Variants in DYRK1B observed in about 807,000 individuals in gnomAD.
The protein encoded by DYRK1B is dual specificity tyrosine phosphorylation regulated kinase 1B.
A neutral mutation model predicts 57.1 loss-of-function variants in DYRK1B; 20 were observed. The observed-to-expected ratio is 0.35, with a 90% CI of 0.25 to 0.51. The LOEUF (loss-of-function observed/expected upper bound fraction) is 0.51. Ranked by LOEUF, DYRK1B falls within the 20% of genes least tolerant of loss-of-function variation. DYRK1B has a pLI of 0.96. For missense variants in DYRK1B, 732 were observed against 886.3 expected, an observed-to-expected ratio of 0.83 and a Z score of 2.21; for synonymous variants, 409 against 384.7, an observed-to-expected ratio of 1.06 and a Z score of -0.74.
Position 39,830,400 on chromosome 19 carries a change from A to C in DYRK1B, c.347T>G (p.Leu116Arg). The C allele has an allele frequency of 6.2e-7, 1 of 1,614,090 alleles. No individual in the cohort carries two copies. Among genetic ancestry groups the C allele is most frequent in the South Asian group, 1.1e-5 (1 of 91,082 alleles). ...RWLERYEIDS[L>R]IGKGSFGQVV... ...CTGGCCAAAGGAGCCTTTGCCAATG[A>C]GCGAGTCAATTTCGTAGCGCTCCAG... The change falls in exon 4 of 11, where the codon CTC (leucine) becomes CGC (arginine). Residue 116 changes from leucine (L) to arginine (R), a missense_variant. Transcript: ENST00000323039.
In DYRK1B at chr19:39,830,309, G is replaced by C. The variant is rs755118050; in HGVS notation, c.372+66C>G. 2.5e-6 allele frequency: 4 copies of C among 1,598,540 alleles called. No homozygotes were observed. In the East Asian group the frequency reaches 8.9e-5, roughly 36 times the overall value. ...GCCCAGCATGGGACTTGAAGCCACTGAACCACTGGGTGTGTGATCAATGTT... is the reference window on the plus strand; with the variant it reads ...GCCCAGCATGGGACTTGAAGCCACTCAACCACTGGGTGTGTGATCAATGTT... On this transcript the variant is annotated intron_variant, in intron 4 of 10. Transcript: ENST00000323039.
rs1968781727 is a variant in DYRK1B at position 39,830,890 on chromosome 19, G to T, written c.64-107C>A. 4 of 1,334,338 alleles carry T rather than the reference G, an allele frequency of 3.0e-6. No homozygotes were observed. The South Asian group carries it at 4.4e-5, about 15-fold the overall frequency. 82.7% of individuals were successfully genotyped at this position (1,334,338 alleles called of 1,614,324 possible). A position where few individuals can be genotyped will look rare whatever the true frequency, so the allele number is the denominator to read the frequency against. ...CACATCATGTATTTGGTTGCTGTCT[G>T]TATTTGTTCCACCTGTCTAGGAAAG... On this transcript the variant is annotated intron_variant, in intron 2 of 10. Coordinates refer to ENST00000323039, the MANE Select transcript of DYRK1B (RefSeq NM_004714.3).
In DYRK1B at chr19:39,826,736, G is replaced by A. The variant is rs746080491; in HGVS notation, c.1347C>T (p.Ser449=). The A allele has an allele frequency of 1.3e-6, 2 of 1,598,874 alleles. No homozygotes were observed. Among genetic ancestry groups the A allele is most frequent in the South Asian group, 1.1e-5 (1 of 88,440 alleles). The change falls in exon 9 of 11, where the codon TCC becomes TCT. Residue 449 remains serine, a synonymous_variant. Coordinates refer to ENST00000323039, the MANE Select transcript of DYRK1B (RefSeq NM_004714.3). The surrounding 1 kb of genome is among the most constrained non-coding windows in gnomAD (Gnocchi z 6.3). ...TNTGPAGSSA[S]TSPAPLDTCP... is the part of the protein sequence containing the mutation. ...AGGTGTCGAGGGGCGCGGGCGAGGT[G>A]GAGGCACTGCTGCCTGCCGGGCCCG...
chr19:39,829,025 G>A (rs1968680473), intron 5 of DYRK1B, among the ~76,000 whole-genome samples: 1 of 152,202 alleles, frequency 6.6e-6, no homozygotes, highest in African/African-American at 2.4e-5. Flanking sequence ...ATCAGTTTAA[G>A]GGAGGAGAAA....
rs1968835527 is a variant in DYRK1B at position 39,831,921 on chromosome 19, G to A, written c.-54C>T. On this transcript the variant is annotated 5_prime_UTR_variant, in exon 2 of 11. Transcript: ENST00000323039. ...AGGCCTGGAGCGGGAGCCCGGCCGG[G>A]GGGCGCCTTCTTGCATCCTGCACCT... 2.1e-6 allele frequency: 3 copies of A among 1,438,762 alleles called. No homozygotes were observed. The highest frequency in any genetic ancestry group is 2.7e-6 in the Non-Finnish European group (3 of 1,094,548). The allele number at this position is 1,438,762 out of a possible 1,614,324, so 89.1% of individuals were successfully genotyped here.
Position 39,828,458 on chromosome 19 carries a change from T to G in DYRK1B, c.646A>C (p.Lys216Gln). ...FRGVSLNLTRKLAQQLCTALL... is the reference protein window; with the variant it reads ...FRGVSLNLTRQLAQQLCTALL... ...GCCGTGCAGAGCTGCTGCGCCAGCT[T>G]CCGGGTCAGGTTCAGCGAGACGCCG... The change falls in exon 6 of 11, where the codon AAG becomes CAG. Residue 216 changes from lysine to glutamine, a missense_variant. By Grantham distance (53) the Lys-to-Gln change is moderately conservative. Around this residue, in one of 2 missense-constraint regions of DYRK1B, gnomAD observed 510 missense variants for 681.3 expected, o/e 0.75. Transcript: ENST00000323039. This position sits in a 1 kb window ranked among gnomAD's most constrained non-coding sequence, Gnocchi z 4.3. 1 of 1,613,908 alleles carries G rather than the reference T, an allele frequency of 6.2e-7. No individual in the cohort carries two copies.
At chr19:39,829,014 A>C (rs560297738) in intron 5 of DYRK1B, among the ~76,000 whole-genome samples, 2 of 152,326 alleles carry the variant, frequency 1.3e-5, no homozygotes, top group East Asian at 1.9e-4. Flanking sequence ...CATGAGCAGG[A>C]ATCAGTTTAA....
In DYRK1B at chr19:39,834,129, C is replaced by A. The variant is rs1968966465; in HGVS notation, c.-208G>T. 1 of 206,766 alleles carries A rather than the reference C, an allele frequency of 4.8e-6. No individual in the cohort carries two copies. Among genetic ancestry groups the A allele is most frequent in the Non-Finnish European group, 1.0e-5 (1 of 99,406 alleles). The allele number at this position is 206,766 out of a possible 1,614,324, so 12.8% of individuals were successfully genotyped here. A position where few individuals can be genotyped will look rare whatever the true frequency, so the allele number is the denominator to read the frequency against. ...CGCGGCAAGCCAGGGCCCCGATTAC[C>A]CAGTAATGCAACCAGCAAAATGGCG... is the stretch of plus-strand genomic sequence containing the variant. On this transcript the variant is annotated 5_prime_UTR_variant, in exon 1 of 11. Coordinates refer to ENST00000323039, the MANE Select transcript of DYRK1B (RefSeq NM_004714.3).
intron 5 of DYRK1B, among the ~76,000 whole-genome samples, chr19:39,829,527 C>T (rs1466140167): frequency 2.6e-5 from 4 of 152,034 alleles, no homozygotes; most frequent in Non-Finnish European, 5.9e-5. Flanking sequence ...GTGCCCAGCC[C>T]GTTTTGTTTG....
At position 39,825,471 on chromosome 19, in the gene DYRK1B, T is replaced by C. The variant is rs1204865261; in HGVS notation, c.*244A>G. On this transcript the variant is annotated 3_prime_UTR_variant, in exon 11 of 11. Transcript: ENST00000323039. ...GGTCTTCCCTCCACCGGACCACCACTGTCTTTGGTACAATAAATAGAAAAA... is the reference window on the plus strand; with the variant it reads ...GGTCTTCCCTCCACCGGACCACCACCGTCTTTGGTACAATAAATAGAAAAA... The C allele has an allele frequency of 1.9e-6, 1 of 525,270 alleles. No individual in the cohort carries two copies. The highest frequency in any genetic ancestry group is 3.4e-6 in the Non-Finnish European group (1 of 296,526). 32.5% of individuals were successfully genotyped at this position (525,270 alleles called of 1,614,324 possible).
rs1409417194 is a variant in DYRK1B at position 39,826,157 on chromosome 19, C to T, written c.1518+23G>A. 6.3e-7 allele frequency: 1 copy of T among 1,595,380 alleles called. No individual in the cohort carries two copies. The highest frequency in any genetic ancestry group is 1.4e-5 in the African/African-American group (1 of 73,700). On this transcript the variant is annotated intron_variant, in intron 10 of 10. Transcript: ENST00000323039. The surrounding 1 kb of genome is among the most constrained non-coding windows in gnomAD (Gnocchi z 6.3). ...AGCCCCAGGCACCACCACCCACCTC[C>T]AAAGCCCCCAAAGCCCCATTACCTG...
chr19:39,830,332 G>A (rs1285371220), intron 4 of DYRK1B, 43 bp downstream of exon 4: 1 of 1,612,096 alleles, frequency 6.2e-7, no homozygotes, highest in Non-Finnish European at 8.5e-7. Flanking sequence ...TGTGATCAAT[G>A]TTAGTGGGGC....
rs1232981469 is a variant in DYRK1B at position 39,827,495 on chromosome 19, T to C, written c.954+15A>G. On this transcript the variant is annotated intron_variant, in intron 7 of 10. Transcript: ENST00000323039. ...ACCCCCTCCACCTCCAGCACACCCCTTCCTGGGGGCACACCTCATTGGAGC... is the reference window on the plus strand; with the variant it reads ...ACCCCCTCCACCTCCAGCACACCCCCTCCTGGGGGCACACCTCATTGGAGC... The C allele has an allele frequency of 3.1e-6, 5 of 1,612,114 alleles. No homozygotes were observed. The highest frequency in any genetic ancestry group is 4.2e-6 in the Non-Finnish European group (5 of 1,178,460).
At chr19:39,831,609 T>C (rs1341261318) in intron 2 of DYRK1B, among the ~76,000 whole-genome samples, 196 bp downstream of exon 2, 1 of 152,216 alleles carries the variant, frequency 6.6e-6, no homozygotes, top group African/African-American at 2.4e-5. Context: ...ATTTAACCAC[T>C]GGGTCAGGAT....
intron 2 of DYRK1B, among the ~76,000 whole-genome samples, chr19:39,831,159 C>G (rs1968791738): frequency 6.6e-6 from 1 of 152,146 alleles, no homozygotes; most frequent in East Asian, 1.9e-4. Flanking sequence ...TGAAGTACCT[C>G]TATCTCAATT....
At position 39,826,918 on chromosome 19, in the gene DYRK1B, GGCCCCCGGGCCCGCCCGTCT is replaced by G; in HGVS notation, c.1145_1164del (p.Gln382ProfsTer27). 7.2e-7 allele frequency: 1 copy of G among 1,381,444 alleles called. No homozygotes were observed. Among genetic ancestry groups the G allele is most frequent in the Non-Finnish European group, 9.3e-7 (1 of 1,075,244 alleles). 85.6% of individuals were successfully genotyped at this position (1,381,444 alleles called of 1,614,324 possible). A position where few individuals can be genotyped will look rare whatever the true frequency, so the allele number is the denominator to read the frequency against. On this transcript the variant is annotated frameshift_variant, in exon 9 of 11. Transcript: ENST00000323039. LOFTEE classifies it high-confidence loss of function. The surrounding 1 kb of genome is among the most constrained non-coding windows in gnomAD (Gnocchi z 6.3). ...CTGTGGCCCGGCTCCCCCGCCCGCC[GGCCCCCGGGCCCGCCCGTCT>G]GCACGCCCAGCACCTCCTGCAGCCG...
intron 1 of DYRK1B, 77 bp from the exon 2 acceptor site, chr19:39,832,045 C>T: frequency 7.4e-7 from 1 of 1,345,866 alleles, no homozygotes; most frequent in Non-Finnish European, 9.6e-7. Flanking sequence ...GAAGAGTGGA[C>T]ATGAGAAAGA....
rs749102527 is a variant in DYRK1B at position 39,830,510 on chromosome 19, C to T, written c.237G>A (p.Ser79=). 6.8e-6 allele frequency: 11 copies of T among 1,614,164 alleles called. No individual in the cohort carries two copies. Among genetic ancestry groups the T allele is most frequent in the South Asian group, 3.3e-5 (3 of 91,080 alleles). ...GGACCTTCTTCTCCTTCTTGTTGCT[C>T]GAATCCTGGGGTGGCGCCTGCTGGG... is the stretch of plus-strand genomic sequence containing the variant. ...RRAQQAPPQD[S]SNKKEKKVLN... The change falls in exon 4 of 11, where the codon TCG becomes TCA. Residue 79 remains serine (S), a synonymous_variant. Coordinates refer to ENST00000323039, the MANE Select transcript of DYRK1B (RefSeq NM_004714.3).
At chr19:39,830,850 T>C in intron 2 of DYRK1B, 67 bp from the exon 3 acceptor site, 2 of 1,525,788 alleles carry the variant, frequency 1.3e-6, no homozygotes, top group Middle Eastern at 2.2e-4. Context: ...GAGGAAGAAC[T>C]GTAAGGGCTG....
Sources: allele counts gnomAD v4.1 joint callset (sites outside exome capture counted in the v4.1 genomes callset), GRCh38; gene constraint gnomAD v4.1.1; regional missense constraint gnomAD v4.1.1; non-coding constraint Gnocchi (gnomAD v3.1); transcripts MANE v1.5; gene names NCBI Gene and HGNC (gene_info 2026-07-23, HGNC 2026-07-21).